Variants in GALNTL6 observed in about 807,000 individuals in gnomAD.
GALNTL6 encodes polypeptide N-acetylgalactosaminyltransferase like 6.
A neutral mutation model predicts 73.7 loss-of-function variants in GALNTL6; 46 were observed. That is an observed-to-expected ratio of 0.62 (90% confidence interval 0.49 to 0.80). The LOEUF is 0.80. GALNTL6 is among the 30% of genes least tolerant of loss of function. The pLI is 0.00. For missense variants in GALNTL6, 604 were observed against 755.0 expected (o/e 0.80, Z 2.34); for synonymous variants, 259 against 263.7 (o/e 0.98, Z 0.17).
intron 5 of GALNTL6, among the ~76,000 whole-genome samples, chr4:172,530,711 C>A (rs1430048559): frequency 1.3e-5 from 2 of 151,992 alleles, no homozygotes; most frequent in African/African-American, 4.8e-5. Flanking sequence ...GTTTATTTTT[C>A]TTCTCTAAGG....
Position 172,503,952 on chromosome 4 carries a change from G to A in GALNTL6, c.553+155263G>A, listed in dbSNP as rs1734355193. Among the ~76,000 whole-genome samples the A allele has an allele frequency of 2.1e-4, 2 of 9,722 alleles. 1 individual carries two copies. The highest frequency in any genetic ancestry group is 5.8e-4 in the Non-Finnish European group (2 of 3,472). 6.4% of individuals were successfully genotyped at this position (9,722 alleles called of 152,430 possible). ...GGATCACGTGAGGTCAGGAGTTCAAGACCAGCCTGCCCAACATGGTGAAAT... is the reference window on the plus strand; with the variant it reads ...GGATCACGTGAGGTCAGGAGTTCAAAACCAGCCTGCCCAACATGGTGAAAT... On this transcript the variant is annotated intron_variant, in intron 5 of 12. Coordinates refer to ENST00000506823, the MANE Select transcript of GALNTL6 (RefSeq NM_001034845.3).
intron 8 of GALNTL6, among the ~76,000 whole-genome samples, chr4:172,916,081 G>C (rs1466266033): frequency 6.6e-6 from 1 of 152,170 alleles, no homozygotes; most frequent in Non-Finnish European, 1.5e-5. Context: ...GGAATGAAAG[G>C]CTGGTTCAAC....
chr4:172,815,310 C>T (rs1044873861), intron 7 of GALNTL6, among the ~76,000 whole-genome samples: 44 of 152,214 alleles, frequency 2.9e-4, no homozygotes, highest in African/African-American at 7.9e-4. Flanking sequence ...AAATTTAAAA[C>T]GTTTTAAATG....
intron 5 of GALNTL6, among the ~76,000 whole-genome samples, chr4:172,788,058 G>A (rs1279799656): frequency 6.6e-6 from 1 of 152,066 alleles, no homozygotes; most frequent in Non-Finnish European, 1.5e-5. Context: ...CTAAAGAGAA[G>A]GAGCAGGCTG....
At chr4:172,453,763 C>A (rs980665400) in intron 5 of GALNTL6, among the ~76,000 whole-genome samples, 1 of 152,124 alleles carries the variant, frequency 6.6e-6, no homozygotes, top group Non-Finnish European at 1.5e-5. Flanking sequence ...CCTTTTCTGG[C>A]AAAGATGCTG....
In GALNTL6 at chr4:172,954,763, C is replaced by T. The variant is rs74870497; in HGVS notation, c.1371+2505C>T. Reference sequence around the variant, plus strand: ...AATCGCAAGCATGAGCCACCACACCCGGCAACAGATTTTTTTTTCTTTTTT... The same window carrying T: ...AATCGCAAGCATGAGCCACCACACCTGGCAACAGATTTTTTTTTCTTTTTT... On this transcript the variant is annotated intron_variant, in intron 10 of 12. Transcript: ENST00000506823. 7.3e-3 allele frequency among the ~76,000 whole-genome samples: 1,106 copies of T among 152,276 alleles called. 9 individuals carry two copies. Among genetic ancestry groups the T allele is most frequent in the African/African-American group, 0.025 (1,034 of 41,546 alleles).
intron 2 of GALNTL6, among the ~76,000 whole-genome samples, chr4:171,897,300 A>G (rs1736950766): frequency 6.6e-6 from 1 of 152,192 alleles, no homozygotes; most frequent in Non-Finnish European, 1.5e-5. Flanking sequence ...CTCTATCTTT[A>G]TCTTATTCAT....
chr4:171,953,745 A>G (rs1270029766), intron 2 of GALNTL6, among the ~76,000 whole-genome samples: 1 of 152,206 alleles, frequency 6.6e-6, no homozygotes, highest in East Asian at 1.9e-4. Context: ...TAACTGCTAA[A>G]TAATGAATAT....
chr4:172,266,811 C>T (rs571803153), intron 3 of GALNTL6, among the ~76,000 whole-genome samples: 1 of 152,212 alleles, frequency 6.6e-6, no homozygotes, highest in Admixed American at 6.5e-5. Flanking sequence ...ATAGTGAACA[C>T]TGTGATCTTG....
chr4:172,893,297 G>C (rs147409083), intron 8 of GALNTL6, among the ~76,000 whole-genome samples: 1 of 150,398 alleles, frequency 6.6e-6, no homozygotes, highest in African/African-American at 2.5e-5. Context: ...CAGCTCCCAC[G>C]CCAGCACACA....
In GALNTL6 at chr4:173,009,800, A is replaced by T. The variant is rs17255051; in HGVS notation, c.1488+506A>T. On this transcript the variant is annotated intron_variant, in intron 11 of 12. Transcript: ENST00000506823. The stretch of plus-strand genomic sequence containing the variant: ...GAAGGATGTAAGCAACAGCACCCCA[A>T]CATGGACTTCAGGAAATACTTTAAG... Among the ~76,000 whole-genome samples the T allele has an allele frequency of 7.1e-3, 1,088 of 152,262 alleles. 8 individuals carry two copies. Among genetic ancestry groups the T allele is most frequent in the Middle Eastern group, 0.051 (15 of 294 alleles).
At chr4:172,942,074 G>C (rs1441327617) in intron 9 of GALNTL6, among the ~76,000 whole-genome samples, 1 of 152,154 alleles carries the variant, frequency 6.6e-6, no homozygotes, top group Admixed American at 6.5e-5. Flanking sequence ...AGTAGTTCTA[G>C]TTGCTATTTT....
chr4:172,239,347 T>A (rs774735972), intron 3 of GALNTL6, among the ~76,000 whole-genome samples: 6 of 152,206 alleles, frequency 3.9e-5, no homozygotes, highest in Non-Finnish European at 7.3e-5. Flanking sequence ...CAGAAATTTA[T>A]CCGTTTCTTC....
chr4:172,890,245 A>G (rs1414491768), intron 8 of GALNTL6, among the ~76,000 whole-genome samples: 1 of 151,936 alleles, frequency 6.6e-6, no homozygotes, highest in East Asian at 1.9e-4. Context: ...TTTGAGTCTC[A>G]ATTTCATTTA....
rs1214805049 is a variant in GALNTL6, at chr4:171,870,945, T to C, written c.138+56227T>C. 3.9e-5 allele frequency among the ~76,000 whole-genome samples: 6 copies of C among 152,304 alleles called. No homozygotes were observed. In the East Asian group the frequency reaches 9.6e-4, roughly 24 times the overall value. ...ATAGTAAATTTCTGTTGTTTAAGCC[T>C]CTCAAATTGTGGTAATCTGTTATAG... On this transcript the variant is annotated intron_variant, in intron 2 of 12. Transcript: ENST00000506823.
intron 12 of GALNTL6, among the ~76,000 whole-genome samples, chr4:173,036,815 C>T (rs1010569783): frequency 2.0e-5 from 3 of 152,006 alleles, no homozygotes; most frequent in Non-Finnish European, 4.4e-5. Context: ...GCAGACTTGC[C>T]GAAACACTCA....
chr4:172,449,729 G>A (rs1486318064), intron 5 of GALNTL6, among the ~76,000 whole-genome samples: 1 of 151,930 alleles, frequency 6.6e-6, no homozygotes, highest in Non-Finnish European at 1.5e-5. Flanking sequence ...TATTCTCTAT[G>A]TAAGCTTCCT....
chr4:172,196,764 C>T (rs985689786), intron 2 of GALNTL6, among the ~76,000 whole-genome samples: 2 of 152,078 alleles, frequency 1.3e-5, no homozygotes, highest in Admixed American at 6.6e-5. Context: ...TAAAAATTCT[C>T]AATAAACTAG....
intron 11 of GALNTL6, among the ~76,000 whole-genome samples, chr4:173,010,830 C>A (rs1393056278): frequency 1.3e-5 from 2 of 150,612 alleles, no homozygotes; most frequent in Non-Finnish European, 2.9e-5. Flanking sequence ...TGGTCTCGAT[C>A]TCCTGACCTC....
Sources: allele counts gnomAD v4.1 joint callset (sites outside exome capture counted in the v4.1 genomes callset), GRCh38; gene constraint gnomAD v4.1.1; transcripts MANE v1.5; gene names NCBI Gene and HGNC (gene_info 2026-07-23, HGNC 2026-07-21).